RXFP4: variants seen among roughly 807,000 people sequenced by gnomAD.
RXFP4 encodes the protein relaxin family peptide/INSL5 receptor 4.
For synonymous variants in RXFP4, 182 were observed against 218.0 expected, an observed-to-expected ratio of 0.83 and a Z score of 1.45; for missense variants, 425 against 491.3, an observed-to-expected ratio of 0.87 and a Z score of 1.28.
rs1340458966 is a variant in RXFP4 at position 155,942,468 on chromosome 1, T to C, written c.759T>C (p.Ala253=). The C allele has an allele frequency of 1.2e-6, 2 of 1,600,884 alleles. No individual in the cohort carries two copies. The highest frequency in any genetic ancestry group is 1.7e-6 in the Non-Finnish European group (2 of 1,172,192). The stretch of plus-strand genomic sequence containing the variant: ...CCCGCTCTGTCCGCATCCTGGTGGC[T>C]TCCTTCTTCCTCTGCTGGTTTCCCA... The part of the protein sequence containing the change: ...VVARSVRILV[A]SFFLCWFPNH... The change falls in exon 1 of 1, where the codon GCT becomes GCC. Residue 253 remains alanine (A), a synonymous_variant. Coordinates refer to ENST00000368318, the MANE Select transcript of RXFP4 (RefSeq NM_181885.3). This position sits in a 1 kb window ranked among gnomAD's most constrained non-coding sequence, Gnocchi z 5.2.
rs751059271 is a variant in RXFP4 at position 155,942,188 on chromosome 1, T to G, written c.479T>G (p.Ile160Arg). Reference sequence around the variant, plus strand: ...CACCTCTCACTCTTCTGGGCCCGAATAGCCACCCTGGCAGTGTGGGCGGCG... The same window carrying G: ...CACCTCTCACTCTTCTGGGCCCGAAGAGCCACCCTGGCAGTGTGGGCGGCG... The part of the protein sequence containing the change: ...GTHLSLFWAR[I>R]ATLAVWAAAA... The change falls in exon 1 of 1, where the codon ATA becomes AGA. Residue 160 changes from isoleucine (I) to arginine (R), a missense_variant. Coordinates refer to ENST00000368318, the MANE Select transcript of RXFP4 (RefSeq NM_181885.3). The surrounding 1 kb of genome is among the most constrained non-coding windows in gnomAD (Gnocchi z 5.2). 6.2e-7 allele frequency: 1 copy of G among 1,613,960 alleles called. No individual in the cohort carries two copies. Among genetic ancestry groups the G allele is most frequent in the East Asian group, 2.2e-5 (1 of 44,886 alleles).
In RXFP4 at chr1:155,942,694, TTGAGGCTGTGG is replaced by T. The variant is rs774348675; in HGVS notation, c.986_996del (p.Leu329SerfsTer48). 15 of 1,612,232 alleles carry T rather than the reference TTGAGGCTGTGG, an allele frequency of 9.3e-6. No individual in the cohort carries two copies. The highest frequency in any genetic ancestry group is 1.1e-5 in the Non-Finnish European group (13 of 1,179,856). The stretch of plus-strand genomic sequence containing the variant: ...GGCAGGCACCTTCAGGGATCTGCGG[TTGAGGCTGTGG>T]CCCCAGGGCGGAGGCTGGGTGCAAC... On this transcript the variant is annotated frameshift_variant, in exon 1 of 1. Transcript: ENST00000368318. LOFTEE classifies it low-confidence loss of function (END_TRUNC). The surrounding 1 kb of genome is among the most constrained non-coding windows in gnomAD (Gnocchi z 5.2).
Position 155,941,942 on chromosome 1 carries a change from C to CCTGGCTCTGG in RXFP4, c.235_236insGGCTCTGGCT (p.Phe79TrpfsTer109). 6.2e-7 allele frequency: 1 copy of CCTGGCTCTGG among 1,614,232 alleles called. No homozygotes were observed. On this transcript the variant is annotated frameshift_variant, in exon 1 of 1. Transcript: ENST00000368318. LOFTEE classifies it low-confidence loss of function (END_TRUNC). ...AGAGCCCCTGGCCCACCTTCAGACA[C>CCTGGCTCTGG]CTTCGTCTTCAACCTGGCTCTGGCG...
chr1:155,941,961 T>C lies in RXFP4; in HGVS notation c.252T>C (p.Ala84=), dbSNP rs778128008. Residue 84 remains alanine, a synonymous_variant, in exon 1 of 1, where the codon GCT becomes GCC. Coordinates refer to ENST00000368318, the MANE Select transcript of RXFP4 (RefSeq NM_181885.3). Reference sequence around the variant, plus strand: ...CAGACACCTTCGTCTTCAACCTGGCTCTGGCGGACCTGGGACTGGCACTCA... The same window carrying C: ...CAGACACCTTCGTCTTCAACCTGGCCCTGGCGGACCTGGGACTGGCACTCA... ...PPSDTFVFNL[A]LADLGLALTL... 3 of 1,614,212 alleles carry C rather than the reference T, an allele frequency of 1.9e-6. No homozygotes were observed. The East Asian group carries it at 6.7e-5, about 36-fold the overall frequency.
In RXFP4 at chr1:155,942,977, G is replaced by A; in HGVS notation, c.*143G>A. ...TTTGATCCCCAACTCTGGGTGTGGT[G>A]AATGGGGGAGGCGGGGGCTCAGATC... On this transcript the variant is annotated 3_prime_UTR_variant, in exon 1 of 1. Coordinates refer to ENST00000368318, the MANE Select transcript of RXFP4 (RefSeq NM_181885.3). This position sits in a 1 kb window ranked among gnomAD's most constrained non-coding sequence, Gnocchi z 5.2. 1 of 754,190 alleles carries A rather than the reference G, an allele frequency of 1.3e-6. No homozygotes were observed. The highest frequency in any genetic ancestry group is 2.0e-6 in the Non-Finnish European group (1 of 498,760). 46.7% of individuals were successfully genotyped at this position (754,190 alleles called of 1,614,324 possible).
Position 155,942,275 on chromosome 1 carries a change from G to A in RXFP4, c.566G>A (p.Arg189His), listed in dbSNP as rs145457936. 17 of 1,606,282 alleles carry A rather than the reference G, an allele frequency of 1.1e-5. No individual in the cohort carries two copies. The highest frequency in any genetic ancestry group is 5.3e-5 in the African/African-American group (4 of 74,788). Residue 189 changes from arginine (R) to histidine (H), a missense_variant, in exon 1 of 1, where the codon CGC becomes CAC. By Grantham distance (29) the Arg-to-His change is conservative. Transcript: ENST00000368318. The surrounding 1 kb of genome is among the most constrained non-coding windows in gnomAD (Gnocchi z 5.2). ...GTGGAGGGTGAGGTGTGTGGTGTGC[G>A]CCTTTGCCTGCTGCGTTTCCCCAGC... ...FGVEGEVCGV[R>H]LCLLRFPSRY... is the part of the protein sequence containing the mutation.
At position 155,942,886 on chromosome 1, in the gene RXFP4, C is replaced by A; in HGVS notation, c.*52C>A. 6.8e-7 allele frequency: 1 copy of A among 1,467,660 alleles called. No individual in the cohort carries two copies. The highest frequency in any genetic ancestry group is 9.0e-7 in the Non-Finnish European group (1 of 1,112,076). 90.9% of individuals were successfully genotyped at this position (1,467,660 alleles called of 1,614,324 possible). On this transcript the variant is annotated 3_prime_UTR_variant, in exon 1 of 1. Coordinates refer to ENST00000368318, the MANE Select transcript of RXFP4 (RefSeq NM_181885.3). The surrounding 1 kb of genome is among the most constrained non-coding windows in gnomAD (Gnocchi z 5.2). ...TTCTGAGATCCACCAAGTGTAGGAT[C>A]CTTGAGTCCTGGGGAGAAGCTGCCC...
In RXFP4 at chr1:155,942,210, G is replaced by A. The variant is rs775468817; in HGVS notation, c.501G>A (p.Ala167=). 23 of 1,613,854 alleles carry A rather than the reference G, an allele frequency of 1.4e-5. No individual in the cohort carries two copies. Among genetic ancestry groups the A allele is most frequent in the African/African-American group, 1.2e-4 (9 of 74,940 alleles). The change falls in exon 1 of 1, where the codon GCG becomes GCA. Residue 167 remains alanine, a synonymous_variant. Coordinates refer to ENST00000368318, the MANE Select transcript of RXFP4 (RefSeq NM_181885.3). This position sits in a 1 kb window ranked among gnomAD's most constrained non-coding sequence, Gnocchi z 5.2. ...GAATAGCCACCCTGGCAGTGTGGGC[G>A]GCGGCTGCCCTGGTGACGGTGCCCA... The part of the protein sequence containing the change: ...WARIATLAVW[A]AAALVTVPTA...
chr1:155,942,013 G>A lies in RXFP4; in HGVS notation c.304G>A (p.Ala102Thr). 6.2e-7 allele frequency: 1 copy of A among 1,612,852 alleles called. No individual in the cohort carries two copies. Among genetic ancestry groups the A allele is most frequent in the Non-Finnish European group, 8.5e-7 (1 of 1,180,040 alleles). The stretch of plus-strand genomic sequence containing the variant: ...TCTCCCCTTTTGGGCAGCCGAGTCG[G>A]CACTGGACTTTCACTGGCCCTTCGG... Reference protein sequence around the residue: ...LTLPFWAAESALDFHWPFGGA... With the variant: ...LTLPFWAAESTLDFHWPFGGA... The change falls in exon 1 of 1, where the codon GCA (alanine) becomes ACA (threonine). Residue 102 changes from alanine (A) to threonine (T), a missense_variant. Transcript: ENST00000368318. This position sits in a 1 kb window ranked among gnomAD's most constrained non-coding sequence, Gnocchi z 5.2.
In RXFP4 at chr1:155,941,923, C is replaced by T; in HGVS notation, c.214C>T (p.Pro72Ser). The T allele has an allele frequency of 1.9e-6, 3 of 1,614,176 alleles. No homozygotes were observed. Among genetic ancestry groups the T allele is most frequent in the African/African-American group, 1.3e-5 (1 of 75,028 alleles). ...ACTGAGTAACTGTGCCCGGAGAGCC[C>T]CTGGCCCACCTTCAGACACCTTCGT... ...WVLSNCARRA[P>S]GPPSDTFVFN... The change falls in exon 1 of 1, where the codon CCT (proline) becomes TCT (serine). Residue 72 changes from proline to serine, a missense_variant. Pro to Ser is a moderately conservative substitution (Grantham distance 74). Coordinates refer to ENST00000368318, the MANE Select transcript of RXFP4 (RefSeq NM_181885.3).
rs540076477 is a variant in RXFP4, at chr1:155,942,302, G to C, written c.593G>C (p.Arg198Thr). ...CTTTGCCTGCTGCGTTTCCCCAGCAGGTACTGGCTGGGGGCCTACCAGCTG... is the reference window on the plus strand; with the variant it reads ...CTTTGCCTGCTGCGTTTCCCCAGCACGTACTGGCTGGGGGCCTACCAGCTG... ...VRLCLLRFPSRYWLGAYQLQR... is the reference protein window; with the variant it reads ...VRLCLLRFPSTYWLGAYQLQR... Residue 198 changes from arginine (R) to threonine (T), a missense_variant, in exon 1 of 1, where the codon AGG becomes ACG. Coordinates refer to ENST00000368318, the MANE Select transcript of RXFP4 (RefSeq NM_181885.3). The surrounding 1 kb of genome is among the most constrained non-coding windows in gnomAD (Gnocchi z 5.2). The C allele has an allele frequency of 9.5e-4, 1,507 of 1,593,290 alleles. 30 individuals carry two copies. The South Asian group carries it at 0.016, about 17-fold the overall frequency.
At position 155,942,924 on chromosome 1, in the gene RXFP4, T is replaced by C; in HGVS notation, c.*90T>C. The stretch of plus-strand genomic sequence containing the variant: ...GGAGAAGCTGCCCTCTCTGCCAGGC[T>C]GCAGTGCCCTCAGGGAAAAGTCTGA... On this transcript the variant is annotated 3_prime_UTR_variant, in exon 1 of 1. Transcript: ENST00000368318. This position sits in a 1 kb window ranked among gnomAD's most constrained non-coding sequence, Gnocchi z 5.2. 7.8e-7 allele frequency: 1 copy of C among 1,280,092 alleles called. No homozygotes were observed. The highest frequency in any genetic ancestry group is 1.0e-6 in the Non-Finnish European group (1 of 963,666). 79.3% of individuals were successfully genotyped at this position (1,280,092 alleles called of 1,614,324 possible). A position where few individuals can be genotyped will look rare whatever the true frequency, so the allele number is the denominator to read the frequency against.
chr1:155,942,614 G>A lies in RXFP4; in HGVS notation c.905G>A (p.Ser302Asn), dbSNP rs1674337249. Reference protein sequence around the residue: ...PVTTCLAHSNSCLNPVLYCLL... With the variant: ...PVTTCLAHSNNCLNPVLYCLL... The stretch of plus-strand genomic sequence containing the variant: ...ACTACTTGCTTGGCACACAGCAATA[G>A]CTGCCTCAACCCTGTGCTGTACTGT... The change falls in exon 1 of 1, where the codon AGC becomes AAC. Residue 302 changes from serine to asparagine, a missense_variant. By Grantham distance (46) the Ser-to-Asn change is conservative (BLOSUM62 1). Transcript: ENST00000368318. The surrounding 1 kb of genome is among the most constrained non-coding windows in gnomAD (Gnocchi z 5.2). 6.2e-7 allele frequency: 1 copy of A among 1,614,174 alleles called. No individual in the cohort carries two copies.
In RXFP4 at chr1:155,941,781, G is replaced by C; in HGVS notation, c.72G>C (p.Leu24=). Residue 24 remains leucine (L), a synonymous_variant, in exon 1 of 1, where the codon CTG becomes CTC. Coordinates refer to ENST00000368318, the MANE Select transcript of RXFP4 (RefSeq NM_181885.3). ...CCAATGCCTCCGGAGGCAGTGTGCT[G>C]AGTGCTGATGATGCTCCGATGCCTG... ...FWANASGGSV[L]SADDAPMPVK... 1.2e-6 allele frequency: 2 copies of C among 1,614,220 alleles called. No homozygotes were observed. The highest frequency in any genetic ancestry group is 2.2e-5 in the South Asian group (2 of 91,090).
rs1674341801 is a variant in RXFP4 at position 155,942,809 on chromosome 1, A to C, written c.1100A>C (p.Asn367Thr). 1 of 1,524,966 alleles carries C rather than the reference A, an allele frequency of 6.6e-7. No individual in the cohort carries two copies. The highest frequency in any genetic ancestry group is 1.3e-5 in the South Asian group (1 of 79,334). The allele number at this position is 1,524,966 out of a possible 1,614,324, so 94.5% of individuals were successfully genotyped here. The change falls in exon 1 of 1, where the codon AAC (asparagine) becomes ACC (threonine). Residue 367 changes from asparagine (N) to threonine (T), a missense_variant. Coordinates refer to ENST00000368318, the MANE Select transcript of RXFP4 (RefSeq NM_181885.3). The surrounding 1 kb of genome is among the most constrained non-coding windows in gnomAD (Gnocchi z 5.2). Reference protein sequence around the residue: ...RESRPSTLLTNLDRGTPG With the variant: ...RESRPSTLLTTLDRGTPG ...AGCCGCCCTTCTACCCTGCTCACCA[A>C]CCTGGACAGAGGGACACCCGGGTGA...
Position 155,941,688 on chromosome 1 carries a change from C to T in RXFP4, c.-22C>T. Reference sequence around the variant, plus strand: ...ACTTGCAGACCTCTCTTCTCAGCACCACCAATCTCTGATGCCCTGCGATGC... The same window carrying T: ...ACTTGCAGACCTCTCTTCTCAGCACTACCAATCTCTGATGCCCTGCGATGC... On this transcript the variant is annotated 5_prime_UTR_variant, in exon 1 of 1. Coordinates refer to ENST00000368318, the MANE Select transcript of RXFP4 (RefSeq NM_181885.3). 1 of 1,608,378 alleles carries T rather than the reference C, an allele frequency of 6.2e-7. No homozygotes were observed. Among genetic ancestry groups the T allele is most frequent in the South Asian group, 1.1e-5 (1 of 90,472 alleles).
rs185351408 is a variant in RXFP4, at chr1:155,943,085, A to C, written c.*251A>C. ...GAGAATAAACCTCTGGATTATCCAC[A>C]AATTGTCTTGACCTTTTATCCCAGT... On this transcript the variant is annotated 3_prime_UTR_variant, in exon 1 of 1. Coordinates refer to ENST00000368318, the MANE Select transcript of RXFP4 (RefSeq NM_181885.3). 98 of 412,782 alleles carry C rather than the reference A, an allele frequency of 2.4e-4. No homozygotes were observed. The highest frequency in any genetic ancestry group is 3.5e-4 in the Non-Finnish European group (83 of 234,222). 25.6% of individuals were successfully genotyped at this position (412,782 alleles called of 1,614,324 possible).
Position 155,943,076 on chromosome 1 carries a change from A to G in RXFP4, c.*242A>G. 2.4e-6 allele frequency: 1 copy of G among 421,032 alleles called. No individual in the cohort carries two copies. Among genetic ancestry groups the G allele is most frequent in the South Asian group, 7.5e-5 (1 of 13,400 alleles). 26.1% of individuals were successfully genotyped at this position (421,032 alleles called of 1,614,324 possible). ...AGAGGATCTGAGAATAAACCTCTGG[A>G]TTATCCACAAATTGTCTTGACCTTT... On this transcript the variant is annotated 3_prime_UTR_variant, in exon 1 of 1. Coordinates refer to ENST00000368318, the MANE Select transcript of RXFP4 (RefSeq NM_181885.3).
At position 155,943,046 on chromosome 1, in the gene RXFP4, AAAG is replaced by A; in HGVS notation, c.*217_*219del. 1 of 455,042 alleles carries A rather than the reference AAAG, an allele frequency of 2.2e-6. No individual in the cohort carries two copies. The highest frequency in any genetic ancestry group is 3.8e-6 in the Non-Finnish European group (1 of 260,740). 28.2% of individuals were successfully genotyped at this position (455,042 alleles called of 1,614,324 possible). A position where few individuals can be genotyped will look rare whatever the true frequency, so the allele number is the denominator to read the frequency against. On this transcript the variant is annotated 3_prime_UTR_variant, in exon 1 of 1. Coordinates refer to ENST00000368318, the MANE Select transcript of RXFP4 (RefSeq NM_181885.3). ...GCTTAAGTCTTTATTTGGAGATGGG[AAAG>A]AAGAGGATCTGAGAATAAACCTCTG...
Sources: gnomAD v4.1 joint callset for allele counts on GRCh38, gnomAD v4.1.1 for gene constraint, Gnocchi (gnomAD v3.1) non-coding constraint, MANE v1.5 for transcripts, NCBI Gene and HGNC (gene_info 2026-07-23, HGNC 2026-07-21) for gene names.